TMEM201: variants seen among roughly 807,000 people sequenced by gnomAD.
The protein encoded by TMEM201 is transmembrane protein 201.
TMEM201 carries 26 observed loss-of-function variants against 63.4 expected under a neutral mutation model. That is an observed-to-expected ratio of 0.41 (90% CI 0.30 to 0.57). TMEM201 has a LOEUF of 0.57. Among genes scored for constraint, TMEM201 ranks in the 20% least tolerant of loss-of-function variants. TMEM201 has a pLI of 0.29. For missense variants in TMEM201, 794 were observed against 917.7 expected, an observed-to-expected ratio of 0.87 and a Z score of 1.74; for synonymous variants, 417 against 421.6, an observed-to-expected ratio of 0.99 and a Z score of 0.14.
chr1:9,589,156 G>A, intron 1 of TMEM201, 113 bp downstream of exon 1: 3 of 309,964 alleles, frequency 9.7e-6, no homozygotes, highest in Non-Finnish European at 1.4e-5. Flanking sequence ...CCGCGGGCGC[G>A]CGGAGACCCC....
In TMEM201 at chr1:9,610,005, G is replaced by A; in HGVS notation, c.1465+94G>A. ...TTTGTGTGAGCTTTGGGGTCAGACA[G>A]ACCCCAAGTGTGTGTTCACATCTCA... On this transcript the variant is annotated intron_variant, in intron 8 of 10. Coordinates refer to ENST00000340381, the MANE Select transcript of TMEM201 (RefSeq NM_001130924.3). This position sits in a 1 kb window ranked among gnomAD's most constrained non-coding sequence, Gnocchi z 4.9. 8.3e-7 allele frequency: 1 copy of A among 1,203,800 alleles called. No homozygotes were observed. The highest frequency in any genetic ancestry group is 1.2e-6 in the Non-Finnish European group (1 of 834,358). 74.6% of individuals were successfully genotyped at this position (1,203,800 alleles called of 1,614,324 possible).
At chr1:9,589,075 C>G in intron 1 of TMEM201, 32 bp downstream of exon 1, 1 of 955,068 alleles carries the variant, frequency 1.0e-6, no homozygotes, top group Non-Finnish European at 1.3e-6. Context: ...ACGCGGCCCT[C>G]TGCGCCGCCC....
chr1:9,610,444 G>T lies in TMEM201; in HGVS notation c.1466-62G>T. ...GAAGAATGCCCCCAGAAATGAAATAGCGCATTGTAGCGTTGCAGTGACAGG... is the reference window on the plus strand; with the variant it reads ...GAAGAATGCCCCCAGAAATGAAATATCGCATTGTAGCGTTGCAGTGACAGG... On this transcript the variant is annotated intron_variant, in intron 8 of 10. Transcript: ENST00000340381. The surrounding 1 kb of genome is among the most constrained non-coding windows in gnomAD (Gnocchi z 4.9). The T allele has an allele frequency of 7.2e-7, 1 of 1,391,052 alleles. No individual in the cohort carries two copies. The highest frequency in any genetic ancestry group is 1.4e-5 in the African/African-American group (1 of 69,176). The allele number at this position is 1,391,052 out of a possible 1,614,324, so 86.2% of individuals were successfully genotyped here. A position where few individuals can be genotyped will look rare whatever the true frequency, so the allele number is the denominator to read the frequency against.
chr1:9,596,103 C>T (rs924933885), intron 2 of TMEM201, 93 bp downstream of exon 2: 50 of 1,504,126 alleles, frequency 3.3e-5, no homozygotes, highest in Admixed American at 3.9e-5. Context: ...TGCCCTGCCC[C>T]GGGGCTCATG....
At position 9,602,304 on chromosome 1, in the gene TMEM201, GAC is replaced by G. The variant is rs540840593; in HGVS notation, c.1160+37_1160+38del. On this transcript the variant is annotated intron_variant, in intron 6 of 10. Coordinates refer to ENST00000340381, the MANE Select transcript of TMEM201 (RefSeq NM_001130924.3). ...GAAGCAGCCATGACTGCGGGGGGAG[GAC>G]ACACGGATGCTCAGGCCCAGGCTTT... 348 of 1,606,238 alleles carry G rather than the reference GAC, an allele frequency of 2.2e-4. 5 individuals carry two copies. In the South Asian group the frequency reaches 3.7e-3, roughly 17 times the overall value.
Position 9,601,158 on chromosome 1 carries a change from C to T in TMEM201, c.660C>T (p.Leu220=), listed in dbSNP as rs773526560. The T allele has an allele frequency of 3.3e-5, 53 of 1,608,102 alleles. No homozygotes were observed. The highest frequency in any genetic ancestry group is 8.0e-5 in the African/African-American group (6 of 74,836). ...TCCAGGTCATCCTGCTCCGTGCCCT[C>T]GCCTTCCTGGCCTGCGCCTTCCTAC... ...SPVQVILLRA[L]AFLACAFLLT... Residue 220 remains leucine, a synonymous_variant, in exon 5 of 11, where the codon CTC becomes CTT. Coordinates refer to ENST00000340381, the MANE Select transcript of TMEM201 (RefSeq NM_001130924.3).
At chr1:9,612,004 C>T in intron 10 of TMEM201, 114 bp downstream of exon 10, 1 of 1,287,586 alleles carries the variant, frequency 7.8e-7, no homozygotes, top group Non-Finnish European at 1.0e-6. Context: ...ATTGCAGTCC[C>T]TGAGTGGCCG....
chr1:9,610,556 C>T lies in TMEM201; in HGVS notation c.1516C>T (p.Pro506Ser). The change falls in exon 9 of 11, where the codon CCA (proline) becomes TCA (serine). Residue 506 changes from proline (P) to serine (S), a missense_variant. Coordinates refer to ENST00000340381, the MANE Select transcript of TMEM201 (RefSeq NM_001130924.3). The surrounding 1 kb of genome is among the most constrained non-coding windows in gnomAD (Gnocchi z 4.9). ...GSCPSSPLPSPAPSVAGSVAS... is the reference protein window; with the variant it reads ...GSCPSSPLPSSAPSVAGSVAS... ...CTGCCCCTCCTCCCCACTCCCTTCC[C>T]CAGCGCCTTCCGTGGCCGGCTCGGT... 6.5e-7 allele frequency: 1 copy of T among 1,549,600 alleles called. No homozygotes were observed. The highest frequency in any genetic ancestry group is 8.7e-7 in the Non-Finnish European group (1 of 1,146,244).
chr1:9,611,832 T>C lies in TMEM201; in HGVS notation c.1845T>C (p.Ser615=), dbSNP rs1219057623. 2 of 1,550,888 alleles carry C rather than the reference T, an allele frequency of 1.3e-6. No individual in the cohort carries two copies. The highest frequency in any genetic ancestry group is 4.9e-5 in the East Asian group (2 of 40,908). The change falls in exon 10 of 11, where the codon TCT becomes TCC. Residue 615 remains serine, a synonymous_variant. Coordinates refer to ENST00000340381, the MANE Select transcript of TMEM201 (RefSeq NM_001130924.3). ...AAGAGGACGACTCTTCCCAGTCATC[T>C]ACCTGTGTGGTGGACACCACCACCA... is the stretch of plus-strand genomic sequence containing the variant. ...IKKEDDSSQS[S]TCVVDTTTRG...
intron 1 of TMEM201, among the ~76,000 whole-genome samples, chr1:9,593,645 G>A (rs982591786): frequency 5.3e-5 from 8 of 152,180 alleles, no homozygotes; most frequent in Non-Finnish European, 1.0e-4. Flanking sequence ...CCTGGGGTGG[G>A]CGGGGCTTCA....
In TMEM201 at chr1:9,601,378, C is replaced by G. The variant is rs1399501817; in HGVS notation, c.880C>G (p.Gln294Glu). The G allele has an allele frequency of 6.2e-7, 1 of 1,605,140 alleles. No homozygotes were observed. The highest frequency in any genetic ancestry group is 2.2e-5 in the East Asian group (1 of 44,884). ...GCTGTGTGAGGCCTGGGCCTTTGGG[C>G]AGAGCCACCAGACGGGCGTCGTGGC... ...EKLCEAWAFG[Q>E]SHQTGVVALG... Residue 294 changes from glutamine to glutamate, a missense_variant, in exon 5 of 11, where the codon CAG becomes GAG. Transcript: ENST00000340381.
chr1:9,593,777 A>T (rs3923984), intron 1 of TMEM201, among the ~76,000 whole-genome samples: 2 of 152,160 alleles, frequency 1.3e-5, no homozygotes, highest in East Asian at 3.9e-4. Context: ...TTCCGTGGGG[A>T]TAGGAAGCCT....
chr1:9,601,290 C>T lies in TMEM201; in HGVS notation c.792C>T (p.Thr264=). The T allele has an allele frequency of 3.1e-6, 5 of 1,610,436 alleles. No homozygotes were observed. Among genetic ancestry groups the T allele is most frequent in the Non-Finnish European group, 4.2e-6 (5 of 1,179,824 alleles). ...GCTCAGCCACACCTGACAATGGCAC[C>T]ACCCCTGGGGCCGAGGGCTGGCGGC... ...GNGSATPDNG[T]TPGAEGWRQL... is the part of the protein sequence containing the mutation. The change falls in exon 5 of 11, where the codon ACC becomes ACT. Residue 264 remains threonine (T), a synonymous_variant. Coordinates refer to ENST00000340381, the MANE Select transcript of TMEM201 (RefSeq NM_001130924.3).
chr1:9,589,866 G>C (rs545067892), intron 1 of TMEM201, among the ~76,000 whole-genome samples: 1 of 152,334 alleles, frequency 6.6e-6, no homozygotes, highest in Non-Finnish European at 1.5e-5. Context: ...TGGGTTTGCA[G>C]CTTCGGCAAG....
intron 10 of TMEM201, among the ~76,000 whole-genome samples, chr1:9,612,774 A>G (rs1388190524): frequency 6.6e-6 from 1 of 152,168 alleles, no homozygotes; most frequent in Non-Finnish European, 1.5e-5. Context: ...GGTTAGGAAA[A>G]GCTGTGCCTT....
At position 9,612,988 on chromosome 1, in the gene TMEM201, C is replaced by A; in HGVS notation, c.1906C>A (p.Arg636Ser). 1.3e-6 allele frequency: 2 copies of A among 1,551,566 alleles called. No individual in the cohort carries two copies. Among genetic ancestry groups the A allele is most frequent in the South Asian group, 2.4e-5 (2 of 84,058 alleles). ...CTGACCAGGTCTCTGCTTTGCAGGT[C>A]GTTTCGGCCCTTCCCTGGTCCGGGG... ...CSEEAATWRG[R>S]FGPSLVRGLL... The change falls in exon 11 of 11, where the codon CGT (arginine) becomes AGT (serine). Residue 636 changes from arginine to serine, a missense_variant and splice_region_variant. Arg to Ser is a moderately radical substitution (Grantham distance 110). Transcript: ENST00000340381.
chr1:9,602,037 C>T (rs1360114548), intron 5 of TMEM201, 32 bp from the exon 6 acceptor site: 1 of 1,603,004 alleles, frequency 6.2e-7, no homozygotes, highest in South Asian at 1.1e-5. Flanking sequence ...GTCTTGTCCT[C>T]CCCTGGGGTG....
rs1335607650 is a variant in TMEM201, at chr1:9,603,321, C to T, written c.1160+1049C>T. On this transcript the variant is annotated intron_variant, in intron 6 of 10. Transcript: ENST00000340381. This position sits in a 1 kb window ranked among gnomAD's most constrained non-coding sequence, Gnocchi z 4.5. Reference sequence around the variant, plus strand: ...TCTCCATAGCCCTTGGGTGCCAGCTCAGTGGGTGTGGGGATCACATGAGGT... The same window carrying T: ...TCTCCATAGCCCTTGGGTGCCAGCTTAGTGGGTGTGGGGATCACATGAGGT... 3 of 985,032 alleles carry T rather than the reference C, an allele frequency of 3.0e-6. No homozygotes were observed. Among genetic ancestry groups the T allele is most frequent in the Non-Finnish European group, 3.6e-6 (3 of 829,648 alleles). The allele number at this position is 985,032 out of a possible 1,614,324, so 61.0% of individuals were successfully genotyped here. A position where few individuals can be genotyped will look rare whatever the true frequency, so the allele number is the denominator to read the frequency against.
At position 9,605,184 on chromosome 1, in the gene TMEM201, T is replaced by G. The variant is rs1644220204; in HGVS notation, c.1161-2373T>G. 6.6e-6 allele frequency among the ~76,000 whole-genome samples: 1 copy of G among 152,210 alleles called. No individual in the cohort carries two copies. The highest frequency in any genetic ancestry group is 2.4e-5 in the African/African-American group (1 of 41,440). On this transcript the variant is annotated intron_variant, in intron 6 of 10. Transcript: ENST00000340381. The surrounding 1 kb of genome is among the most constrained non-coding windows in gnomAD (Gnocchi z 5.7). The stretch of plus-strand genomic sequence containing the variant: ...TTGCTTAAAACGTGGTCTCTCTCCT[T>G]CCACTCCTGATGTGGGCTGGGATTG...
Sources: gnomAD v4.1 joint callset for allele counts (sites outside exome capture counted in the v4.1 genomes callset) on GRCh38, gnomAD v4.1.1 for gene constraint, Gnocchi (gnomAD v3.1) non-coding constraint, MANE v1.5 for transcripts, NCBI Gene and HGNC (gene_info 2026-07-23, HGNC 2026-07-21) for gene names.